SMAP1: variants seen among roughly 807,000 people sequenced by gnomAD.
The protein encoded by SMAP1 is stromal membrane-associated protein 1.
SMAP1 carries 24 observed loss-of-function variants against 58.5 expected under a neutral mutation model. That is an observed-to-expected ratio of 0.41 (90% CI 0.30 to 0.58). The LOEUF (loss-of-function observed/expected upper bound fraction) is 0.58, where lower values mean the gene tolerates loss of function less well. SMAP1 is among the 20% of genes least tolerant of loss of function. The pLI is 0.29. For missense variants in SMAP1, 563 were observed against 566.3 expected (o/e 0.99, Z 0.06); for synonymous variants, 216 against 196.6 (o/e 1.10, Z -0.82).
intron 6 of SMAP1, among the ~76,000 whole-genome samples, chr6:70,799,410 A>G (rs1768750562): frequency 6.6e-6 from 1 of 152,146 alleles, no homozygotes; most frequent in Admixed American, 6.5e-5. Flanking sequence ...AGTGATATGC[A>G]GGATAGATGT....
intron 5 of SMAP1, among the ~76,000 whole-genome samples, chr6:70,793,546 G>A (rs1239313616): frequency 1.3e-5 from 2 of 151,718 alleles, no homozygotes; most frequent in South Asian, 2.1e-4. Flanking sequence ...GAAGTTGGAC[G>A]TGTTAAGTAT....
chr6:70,843,379 A>G (rs1232648828), intron 7 of SMAP1, among the ~76,000 whole-genome samples: 13 of 152,192 alleles, frequency 8.5e-5, no homozygotes, highest in Admixed American at 8.5e-4. Context: ...TGCTAACTAG[A>G]TGCCAGGGGC....
At chr6:70,725,208 C>G (rs1283283547) in intron 1 of SMAP1, among the ~76,000 whole-genome samples, 1 of 142,042 alleles carries the variant, frequency 7.0e-6, no homozygotes, top group Non-Finnish European at 1.5e-5. Flanking sequence ...GCTCTGCCTC[C>G]CGGGTTCACA....
At chr6:70,774,940 G>C (rs1401491478) in intron 4 of SMAP1, among the ~76,000 whole-genome samples, 1 of 151,742 alleles carries the variant, frequency 6.6e-6, no homozygotes, top group African/African-American at 2.4e-5. Flanking sequence ...CATCCAGGAG[G>C]CAGAGGTTTC....
At chr6:70,796,805 G>A (rs1045211814) in intron 5 of SMAP1, among the ~76,000 whole-genome samples, 1 of 152,050 alleles carries the variant, frequency 6.6e-6, no homozygotes, top group Non-Finnish European at 1.5e-5. Context: ...TACTCTTCAG[G>A]TTTTAGCACA....
At chr6:70,838,914 GT>G (rs1035790112) in intron 7 of SMAP1, among the ~76,000 whole-genome samples, 1 of 152,100 alleles carries the variant, frequency 6.6e-6, no homozygotes, top group Non-Finnish European at 1.5e-5. Context: ...ACAGGAAAGG[GT>G]TTTTTTAAGG....
At chr6:70,719,702 G>A (rs893349040) in intron 1 of SMAP1, among the ~76,000 whole-genome samples, 1 of 152,156 alleles carries the variant, frequency 6.6e-6, no homozygotes, top group Admixed American at 6.5e-5. Context: ...GGAGGCAAAA[G>A]GCACTTCTTA....
chr6:70,745,702 T>G (rs1766003177), intron 2 of SMAP1, among the ~76,000 whole-genome samples: 1 of 152,222 alleles, frequency 6.6e-6, no homozygotes, highest in Admixed American at 6.5e-5. Context: ...TTTTTCCAAT[T>G]CTGTGAAGAA....
chr6:70,678,950 T>C (rs1766589510), intron 1 of SMAP1, among the ~76,000 whole-genome samples: 1 of 152,210 alleles, frequency 6.6e-6, no homozygotes, highest in Non-Finnish European at 1.5e-5. Context: ...ACAGGACTTC[T>C]TTGGGGGCCA....
chr6:70,688,321 T>C (rs1209810239), intron 1 of SMAP1, among the ~76,000 whole-genome samples: 1 of 152,172 alleles, frequency 6.6e-6, no homozygotes, highest in Non-Finnish European at 1.5e-5. Flanking sequence ...AAGTGCCCAG[T>C]AGTGCAGTTT....
intron 6 of SMAP1, among the ~76,000 whole-genome samples, chr6:70,832,411 T>C (rs1770397964): frequency 6.6e-6 from 1 of 152,242 alleles, no homozygotes; most frequent in Non-Finnish European, 1.5e-5. Flanking sequence ...CACCTAGCTA[T>C]TTAAAAATTT....
rs373673372 is a variant in SMAP1, at chr6:70,798,713, G to A, written c.552G>A (p.Pro184=). Residue 184 remains proline (P), a synonymous_variant, in exon 6 of 11, where the codon CCG becomes CCA. Coordinates refer to ENST00000370455, the MANE Select transcript of SMAP1 (RefSeq NM_001044305.3). ...EKKREKEPEK[P]AKPLTAEKLQ... ...AGAGAGAAAAGGAGCCAGAAAAGCCGGCAAAACCACTTACAGCTGAAAAGG... is the reference window on the plus strand; with the variant it reads ...AGAGAGAAAAGGAGCCAGAAAAGCCAGCAAAACCACTTACAGCTGAAAAGG... The A allele has an allele frequency of 2.6e-5, 41 of 1,557,588 alleles. No individual in the cohort carries two copies. Among genetic ancestry groups the A allele is most frequent in the South Asian group, 3.7e-5 (3 of 80,214 alleles).
At chr6:70,777,282 C>T (rs899239758) in intron 4 of SMAP1, among the ~76,000 whole-genome samples, 3 of 152,224 alleles carry the variant, frequency 2.0e-5, no homozygotes, top group East Asian at 3.9e-4. Flanking sequence ...AGAAATCACC[C>T]GTCTTCTGCA....
At chr6:70,728,501 TTGAC>T (rs1232533810) in intron 1 of SMAP1, among the ~76,000 whole-genome samples, 2 of 152,254 alleles carry the variant, frequency 1.3e-5, no homozygotes, top group African/African-American at 4.8e-5. Context: ...ATTTGAGTAT[TTGAC>T]TGAGTCATCA....
intron 1 of SMAP1, among the ~76,000 whole-genome samples, chr6:70,691,766 A>G (rs916371479): frequency 4.6e-5 from 7 of 152,170 alleles, no homozygotes; most frequent in African/African-American, 1.7e-4. Flanking sequence ...AGTTCCATCC[A>G]TGTTGTTGCA....
chr6:70,687,501 G>C (rs1766982162), intron 1 of SMAP1, among the ~76,000 whole-genome samples: 1 of 152,110 alleles, frequency 6.6e-6, no homozygotes, highest in African/African-American at 2.4e-5. Context: ...CTGTTTTGAA[G>C]AGTAAAGTTA....
chr6:70,736,229 A>G (rs1027676148), intron 2 of SMAP1, among the ~76,000 whole-genome samples: 7 of 152,248 alleles, frequency 4.6e-5, no homozygotes, highest in African/African-American at 1.7e-4. Flanking sequence ...TTTTAATAAC[A>G]TAGAAATAAA....
At chr6:70,720,167 C>T (rs1321749330) in intron 1 of SMAP1, among the ~76,000 whole-genome samples, 1 of 152,152 alleles carries the variant, frequency 6.6e-6, no homozygotes, top group Non-Finnish European at 1.5e-5. Flanking sequence ...TAAATATAGC[C>T]ATTCCAGATG....
At chr6:70,715,878 C>A (rs929399333) in intron 1 of SMAP1, among the ~76,000 whole-genome samples, 1 of 142,132 alleles carries the variant, frequency 7.0e-6, no homozygotes, top group Non-Finnish European at 1.6e-5. Context: ...TTTTATCCCT[C>A]ACCCGCTTTC....
Sources: allele counts gnomAD v4.1 joint callset (sites outside exome capture counted in the v4.1 genomes callset), GRCh38; gene constraint gnomAD v4.1.1; transcripts MANE v1.5; gene names NCBI Gene and HGNC (gene_info 2026-07-23, HGNC 2026-07-21).